CTDSPL2: variants seen among roughly 807,000 people sequenced by gnomAD.
CTDSPL2 encodes the protein CTD small phosphatase like 2.
CTDSPL2 carries 5 observed loss-of-function variants against 60.0 expected under a neutral mutation model. That is an observed-to-expected ratio of 0.08 (90% CI 0.04 to 0.18). CTDSPL2 has a LOEUF of 0.18. Among genes scored for constraint, CTDSPL2 ranks in the 10% least tolerant of loss-of-function variants. The probability of loss-of-function intolerance (pLI) is 1.00; values close to 1 mark genes in which losing one functional copy is unlikely to be tolerated. For synonymous variants in CTDSPL2, 186 were observed against 189.3 expected (o/e 0.98, Z 0.14); for missense variants, 370 against 548.8 (o/e 0.67, Z 3.26).
intron 8 of CTDSPL2, chr15:44,502,174 AAATT>A (rs138883380): frequency 0.022 from 4,724 of 212,442 alleles, 245 homozygotes; most frequent in African/African-American, 0.1. Flanking sequence ...TTACATGACA[AAATT>A]AACCATTTTT....
chr15:44,428,331 A>G (rs2079789620), intron 1 of CTDSPL2, among the ~76,000 whole-genome samples: 1 of 152,230 alleles, frequency 6.6e-6, no homozygotes, highest in Admixed American at 6.5e-5. Context: ...AGTAAAGAAC[A>G]GTCCATGTGG....
chr15:44,486,228 C>G (rs1189493319), intron 3 of CTDSPL2, among the ~76,000 whole-genome samples: 3 of 152,058 alleles, frequency 2.0e-5, no homozygotes, highest in African/African-American at 7.2e-5. Context: ...TTGGTGGGAA[C>G]TAGTTTGCTT....
chr15:44,438,985 C>T (rs1007918418), intron 1 of CTDSPL2, among the ~76,000 whole-genome samples: 3 of 152,024 alleles, frequency 2.0e-5, no homozygotes, highest in East Asian at 1.9e-4. Flanking sequence ...ACATTATATA[C>T]TTTTTTCTTC....
rs2080283145 is a variant in CTDSPL2, at chr15:44,449,221, G to T, written c.-24-9770G>T. ...ACGTTTTGCATTGCTCTCCTGGCAT[G>T]TTCACTATCAGGATCTTTCACTTTC... is the stretch of plus-strand genomic sequence containing the variant. On this transcript the variant is annotated intron_variant, in intron 1 of 12. Coordinates refer to ENST00000260327, the MANE Select transcript of CTDSPL2 (RefSeq NM_016396.3). The T allele has an allele frequency of 1.8e-5, 5 of 272,966 alleles. No homozygotes were observed. In the South Asian group the frequency reaches 2.5e-4, roughly 13 times the overall value. 16.9% of individuals were successfully genotyped at this position (272,966 alleles called of 1,614,324 possible).
At chr15:44,437,094 C>T (rs990568221) in intron 1 of CTDSPL2, among the ~76,000 whole-genome samples, 65 of 152,252 alleles carry the variant, frequency 4.3e-4, no homozygotes, top group African/African-American at 1.4e-3. Context: ...TTGACTGACT[C>T]GTCACATTAA....
At chr15:44,443,188 A>G (rs560382097) in intron 1 of CTDSPL2, among the ~76,000 whole-genome samples, 2 of 152,148 alleles carry the variant, frequency 1.3e-5, no homozygotes, top group East Asian at 3.8e-4. Context: ...TCAAACGGAA[A>G]CTCTGTGTTC....
chr15:44,428,577 A>G (rs2079794621), intron 1 of CTDSPL2, among the ~76,000 whole-genome samples: 1 of 152,208 alleles, frequency 6.6e-6, no homozygotes, highest in South Asian at 2.1e-4. Context: ...ACCTAAAGAG[A>G]TCTAAGAGCT....
intron 1 of CTDSPL2, chr15:44,448,883 T>C: frequency 2.4e-6 from 1 of 413,714 alleles, no homozygotes; most frequent in Non-Finnish European, 4.5e-6. Flanking sequence ...AGTTGGCCAT[T>C]GAATGTAGAT....
chr15:44,439,602 G>A (rs768111669), intron 1 of CTDSPL2, among the ~76,000 whole-genome samples: 3 of 151,584 alleles, frequency 2.0e-5, no homozygotes, highest in Non-Finnish European at 2.9e-5. Context: ...TGTCATGTCA[G>A]CACTCAGGTT....
intron 1 of CTDSPL2, among the ~76,000 whole-genome samples, chr15:44,457,049 G>T (rs1426349686): frequency 6.6e-6 from 1 of 151,668 alleles, no homozygotes; most frequent in Admixed American, 6.6e-5. Context: ...GCTAATTTTT[G>T]TATTTTTTAT....
At chr15:44,518,604 T>C (rs1440890186) in intron 10 of CTDSPL2, 3 of 152,212 alleles carry the variant, frequency 2.0e-5, no homozygotes, top group Non-Finnish European at 4.4e-5. Context: ...TTTTTTCAAA[T>C]GCCAACACAA....
In CTDSPL2 at chr15:44,513,537, T is replaced by G. The variant is rs140886446; in HGVS notation, c.970-1061T>G. On this transcript the variant is annotated intron_variant, in intron 8 of 12. Transcript: ENST00000260327. Reference sequence around the variant, plus strand: ...AATTCTCTATTTTGCCCTAAAACATTCCTAGAACTAGATTTTTGTCATGGG... The same window carrying G: ...AATTCTCTATTTTGCCCTAAAACATGCCTAGAACTAGATTTTTGTCATGGG... 9.3e-3 allele frequency among the ~76,000 whole-genome samples: 1,413 copies of G among 152,256 alleles called. 22 individuals are homozygous for G. Among genetic ancestry groups the G allele is most frequent in the East Asian group, 0.046 (237 of 5,184 alleles).
In CTDSPL2 at chr15:44,528,720, A is replaced by G. The variant is rs1052049318; in HGVS notation, c.*4546A>G. 3.3e-5 allele frequency: 5 copies of G among 152,128 alleles called. No homozygotes were observed. Among genetic ancestry groups the G allele is most frequent in the Non-Finnish European group, 5.9e-5 (4 of 68,016 alleles). The allele number at this position is 152,128 out of a possible 1,614,324, so 9.4% of individuals were successfully genotyped here. On this transcript the variant is annotated 3_prime_UTR_variant, in exon 13 of 13. Transcript: ENST00000260327. Reference sequence around the variant, plus strand: ...CCATTATATATATTATCTGTAAAATATTTCACTATTTTTTTATTTTATAAA... The same window carrying G: ...CCATTATATATATTATCTGTAAAATGTTTCACTATTTTTTTATTTTATAAA...
intron 10 of CTDSPL2, among the ~76,000 whole-genome samples, chr15:44,515,627 T>G (rs2081637069): frequency 6.6e-6 from 1 of 152,078 alleles, no homozygotes; most frequent in Non-Finnish European, 1.5e-5. Flanking sequence ...TCCCAGCACT[T>G]TGGGAGGCTG....
At chr15:44,489,633 G>C (rs1027847596) in intron 4 of CTDSPL2, among the ~76,000 whole-genome samples, 2 of 152,196 alleles carry the variant, frequency 1.3e-5, no homozygotes, top group African/African-American at 4.8e-5. Flanking sequence ...GAAGGTGGTT[G>C]GAGCTGAAGA....
At chr15:44,457,470 G>A (rs1304008285) in intron 1 of CTDSPL2, among the ~76,000 whole-genome samples, 1 of 152,156 alleles carries the variant, frequency 6.6e-6, no homozygotes, top group Admixed American at 6.6e-5. Flanking sequence ...CTCTGGATTA[G>A]CTTTGGTTTA....
At chr15:44,485,556 T>G (rs1014329834) in intron 3 of CTDSPL2, among the ~76,000 whole-genome samples, 40 of 152,182 alleles carry the variant, frequency 2.6e-4, no homozygotes, top group Admixed American at 2.4e-3. Flanking sequence ...TAAAAGAATC[T>G]AATGCAGCAG....
At chr15:44,445,091 G>A (rs139488097) in intron 1 of CTDSPL2, among the ~76,000 whole-genome samples, 2 of 151,484 alleles carry the variant, frequency 1.3e-5, no homozygotes, top group African/African-American at 2.4e-5. Flanking sequence ...TGATCCGCCC[G>A]CCTCGGCCTC....
intron 2 of CTDSPL2, among the ~76,000 whole-genome samples, chr15:44,472,754 C>T (rs1163019336): frequency 6.6e-6 from 1 of 152,192 alleles, no homozygotes; most frequent in Non-Finnish European, 1.5e-5. Flanking sequence ...ACTTCTACCT[C>T]CTGTGTTCAA....
Sources: gnomAD v4.1 joint callset for allele counts (sites outside exome capture counted in the v4.1 genomes callset) on GRCh38, gnomAD v4.1.1 for gene constraint, MANE v1.5 for transcripts, NCBI Gene and HGNC (gene_info 2026-07-23, HGNC 2026-07-21) for gene names.